ROCK2: variants seen among roughly 807,000 people sequenced by gnomAD.
ROCK2 encodes the protein rho-associated protein kinase 2.
Under a neutral mutation model 195.1 loss-of-function variants are expected in ROCK2, and 61 were observed. The ratio of observed to expected loss-of-function variants is 0.31; its 90% CI spans 0.25 to 0.39. ROCK2 has a LOEUF of 0.39. Ranked by LOEUF, ROCK2 falls within the 10% of genes least tolerant of loss-of-function variation. The pLI is 1.00. For missense variants in ROCK2, 1,109 were observed against 1,637.4 expected (o/e 0.68, Z 5.57); for synonymous variants, 504 against 545.5 (o/e 0.92, Z 1.06).
intron 5 of ROCK2, among the ~76,000 whole-genome samples, chr2:11,227,840 T>C (rs1664868040): frequency 6.6e-6 from 1 of 152,050 alleles, no homozygotes; most frequent in Admixed American, 6.5e-5. Context: ...GGGCCCCAGT[T>C]TGGAGACTGA....
intron 3 of ROCK2, among the ~76,000 whole-genome samples, chr2:11,256,150 G>GT (rs1379182026): frequency 6.6e-6 from 1 of 150,906 alleles, no homozygotes; most frequent in Non-Finnish European, 1.5e-5. Flanking sequence ...AGCAATTATA[G>GT]TTCACATACT....
chr2:11,301,036 A>C (rs1048632529), intron 1 of ROCK2, among the ~76,000 whole-genome samples: 13 of 152,332 alleles, frequency 8.5e-5, no homozygotes, highest in African/African-American at 3.1e-4. Flanking sequence ...TGAACTTAGA[A>C]CCTAATCTTC....
At chr2:11,270,530 G>C (rs990689470) in intron 3 of ROCK2, among the ~76,000 whole-genome samples, 2 of 151,900 alleles carry the variant, frequency 1.3e-5, no homozygotes, top group Admixed American at 6.6e-5. Context: ...TGATAATTCT[G>C]TTCTGATGTT....
intron 5 of ROCK2, among the ~76,000 whole-genome samples, chr2:11,229,674 C>T (rs1664935636): frequency 6.8e-6 from 1 of 146,878 alleles, no homozygotes; most frequent in African/African-American, 2.5e-5. Flanking sequence ...AATATAACCA[C>T]ATTAGAGAAG....
At chr2:11,293,915 C>T (rs6732258) in intron 1 of ROCK2, among the ~76,000 whole-genome samples, 2 of 151,878 alleles carry the variant, frequency 1.3e-5, no homozygotes, top group African/African-American at 2.4e-5. Flanking sequence ...TCCCAGCACT[C>T]TGGGAGGCCG....
intron 7 of ROCK2, among the ~76,000 whole-genome samples, chr2:11,223,184 T>C (rs143005881): frequency 1.6e-3 from 237 of 152,288 alleles, no homozygotes; most frequent in African/African-American, 5.4e-3. Context: ...ACTTTGAGTT[T>C]ATCAGCACCA....
In ROCK2 at chr2:11,198,662, A is replaced by G; in HGVS notation, c.3004+19T>C. On this transcript the variant is annotated intron_variant, in intron 24 of 32. Coordinates refer to ENST00000315872, the MANE Select transcript of ROCK2 (RefSeq NM_004850.5). The stretch of plus-strand genomic sequence containing the variant: ...AACATTAGGTATATTAAAAATAAAC[A>G]TTTTTTGTTAATACATACGCTCTTG... The G allele has an allele frequency of 6.3e-7, 1 of 1,580,738 alleles. No homozygotes were observed. The highest frequency in any genetic ancestry group is 8.6e-7 in the Non-Finnish European group (1 of 1,156,778).
chr2:11,314,467 CA>C, intron 1 of ROCK2, among the ~76,000 whole-genome samples: 1 of 151,980 alleles, frequency 6.6e-6, no homozygotes, highest in East Asian at 1.9e-4. Context: ...CAACATATTA[CA>C]ATTTCCAACA....
At chr2:11,343,091 T>C (rs1338711483) in intron 1 of ROCK2, among the ~76,000 whole-genome samples, 1 of 152,290 alleles carries the variant, frequency 6.6e-6, no homozygotes, top group East Asian at 1.9e-4. Context: ...CCAGAGTCAA[T>C]TTAATACACA....
intron 1 of ROCK2, among the ~76,000 whole-genome samples, chr2:11,292,496 G>A (rs770517521): frequency 2.6e-5 from 4 of 152,092 alleles, no homozygotes; most frequent in Non-Finnish European, 5.9e-5. Flanking sequence ...AAAATTTTAT[G>A]ATGCTCTTAT....
intron 3 of ROCK2, among the ~76,000 whole-genome samples, chr2:11,273,668 A>G (rs1009640325): frequency 5.3e-5 from 8 of 152,190 alleles, no homozygotes; most frequent in Non-Finnish European, 1.0e-4. Context: ...AGAACACATA[A>G]TAACATATAT....
intron 1 of ROCK2, among the ~76,000 whole-genome samples, chr2:11,296,088 A>C (rs1196239754): frequency 6.7e-6 from 1 of 149,906 alleles, no homozygotes. Flanking sequence ...CCTACACTTC[A>C]TGGACATTTT....
chr2:11,278,043 A>T (rs1666884952), intron 3 of ROCK2, among the ~76,000 whole-genome samples: 1 of 152,222 alleles, frequency 6.6e-6, no homozygotes. Context: ...GGCTAAAACC[A>T]GCTAATTAAC....
intron 25 of ROCK2, 30 bp downstream of exon 25, chr2:11,198,461 A>G: frequency 1.4e-6 from 2 of 1,460,902 alleles, no homozygotes; most frequent in Non-Finnish European, 1.9e-6. Flanking sequence ...GACAAAATTC[A>G]AAATCATATT....
chr2:11,236,031 T>G lies in ROCK2; in HGVS notation c.463-69A>C, dbSNP rs539641359. 2.4e-5 allele frequency: 32 copies of G among 1,344,952 alleles called. 1 individual carries two copies. The South Asian group carries it at 5.8e-4, about 24-fold the overall frequency. 83.3% of individuals were successfully genotyped at this position (1,344,952 alleles called of 1,614,324 possible). On this transcript the variant is annotated intron_variant, in intron 4 of 32. Transcript: ENST00000315872. The stretch of plus-strand genomic sequence containing the variant: ...CAAAAATCATAATCAGAACAAAAAT[T>G]TAAAAAACTATTATTACTATTGAAA...
At chr2:11,241,903 A>T (rs559645445) in intron 4 of ROCK2, among the ~76,000 whole-genome samples, 1 of 152,246 alleles carries the variant, frequency 6.6e-6, no homozygotes, top group South Asian at 2.1e-4. Flanking sequence ...TAGGTCATGG[A>T]GGTCACTTGA....
At chr2:11,270,243 T>G (rs1239005183) in intron 3 of ROCK2, among the ~76,000 whole-genome samples, 1 of 152,210 alleles carries the variant, frequency 6.6e-6, no homozygotes, top group Non-Finnish European at 1.5e-5. Flanking sequence ...CCTGTATAGG[T>G]AAAGTGTGGT....
At chr2:11,247,236 G>A (rs1199923875) in intron 4 of ROCK2, among the ~76,000 whole-genome samples, 6 of 152,152 alleles carry the variant, frequency 3.9e-5, no homozygotes, top group African/African-American at 1.4e-4. Context: ...ATGCTAATTG[G>A]TCCAGGGCTT....
In ROCK2 at chr2:11,215,546, G is replaced by C; in HGVS notation, c.1561C>G (p.His521Asp). The C allele has an allele frequency of 1.2e-6, 2 of 1,613,200 alleles. No homozygotes were observed. Among genetic ancestry groups the C allele is most frequent in the Non-Finnish European group, 1.7e-6 (2 of 1,179,730 alleles). ...AAATTTCGTTTTTTGTCTGCTTCAT[G>C]ATCAGCTTTCCTCTGATATTCTGCA... ...KNAEYQRKAD[H>D]EADKKRNLEN... Residue 521 changes from histidine (H) to aspartate (D), a missense_variant, in exon 14 of 33, where the codon CAT becomes GAT. By Grantham distance (81) the His-to-Asp change is moderately conservative (BLOSUM62 -1). This residue lies in a region of ROCK2 where 542 missense variants were observed against 672.0 expected (regional missense o/e 0.81). Transcript: ENST00000315872.
Sources: allele counts gnomAD v4.1 joint callset (sites outside exome capture counted in the v4.1 genomes callset), GRCh38; gene constraint gnomAD v4.1.1; regional missense constraint gnomAD v4.1.1; transcripts MANE v1.5; gene names NCBI Gene and HGNC (gene_info 2026-07-23, HGNC 2026-07-21).